Variants in PALMD observed in about 807,000 individuals in gnomAD.
PALMD encodes the protein paralemmin-like protein.
A neutral mutation model predicts 56.2 loss-of-function variants in PALMD; 42 were observed. The ratio of observed to expected loss-of-function variants is 0.75; its 90% CI spans 0.58 to 0.97. The LOEUF (loss-of-function observed/expected upper bound fraction) is 0.97, where lower values mean the gene tolerates loss of function less well. Among genes scored for constraint, PALMD ranks in the 50% least tolerant of loss-of-function variants. The pLI, the probability that PALMD is intolerant of heterozygous loss-of-function variation, is 0.00. For synonymous variants in PALMD, 242 were observed against 222.9 expected (o/e 1.09, Z -0.76); for missense variants, 660 against 643.8 (o/e 1.03, Z -0.27).
At chr1:99,655,630 A>G (rs1652706247) in intron 1 of PALMD, among the ~76,000 whole-genome samples, 1 of 152,178 alleles carries the variant, frequency 6.6e-6, no homozygotes, top group Non-Finnish European at 1.5e-5. Flanking sequence ...AAGATTCCAA[A>G]GAGGTTACTT....
chr1:99,682,742 A>G (rs376052495), intron 3 of PALMD, among the ~76,000 whole-genome samples: 6 of 152,132 alleles, frequency 3.9e-5, no homozygotes, highest in African/African-American at 1.2e-4. Flanking sequence ...CATCGGGCTC[A>G]TGCCTGTAAT....
At chr1:99,657,369 T>G (rs934763736) in intron 1 of PALMD, among the ~76,000 whole-genome samples, 1 of 152,192 alleles carries the variant, frequency 6.6e-6, no homozygotes, top group Non-Finnish European at 1.5e-5. Context: ...AGAGCCTGCA[T>G]TCCATCTGAC....
At chr1:99,648,421 C>T (rs1237931347) in intron 1 of PALMD, among the ~76,000 whole-genome samples, 1 of 152,114 alleles carries the variant, frequency 6.6e-6, no homozygotes, top group Non-Finnish European at 1.5e-5. Flanking sequence ...AGTCTCTTTC[C>T]CCCTAGGAAA....
intron 6 of PALMD, among the ~76,000 whole-genome samples, chr1:99,688,499 T>C (rs3737899): frequency 2.8e-4 from 42 of 151,940 alleles, no homozygotes; most frequent in Non-Finnish European, 4.4e-4. Context: ...AATTCTTTCC[T>C]ATTTGGAACC....
At chr1:99,671,673 T>A (rs1653091470) in intron 3 of PALMD, among the ~76,000 whole-genome samples, 1 of 152,176 alleles carries the variant, frequency 6.6e-6, no homozygotes, top group African/African-American at 2.4e-5. Context: ...AATCTATGAT[T>A]TTTTTTATGG....
chr1:99,688,753 G>A (rs1174062642), intron 6 of PALMD, 22 bp from the exon 7 acceptor site: 1 of 1,511,236 alleles, frequency 6.6e-7, no homozygotes, highest in Non-Finnish European at 8.9e-7. Context: ...CTAAATCAAA[G>A]ATCAAATTTG....
At chr1:99,693,930 C>G in intron 7 of PALMD, 89 bp from the exon 8 acceptor site, 3 of 853,386 alleles carry the variant, frequency 3.5e-6, no homozygotes, top group Middle Eastern at 2.8e-4. Context: ...GAGGTATGTT[C>G]TAAACTTTCC....
chr1:99,687,408 A>T (rs1653528514), intron 6 of PALMD, among the ~76,000 whole-genome samples: 1 of 152,180 alleles, frequency 6.6e-6, no homozygotes, highest in African/African-American at 2.4e-5. Context: ...CCAGACAGGG[A>T]TAAGGAAGAT....
intron 3 of PALMD, among the ~76,000 whole-genome samples, chr1:99,676,568 G>A (rs1299871078): frequency 6.6e-6 from 1 of 151,978 alleles, no homozygotes; most frequent in Non-Finnish European, 1.5e-5. Context: ...TGAGTCTCCA[G>A]TGGCTAGTAT....
chr1:99,687,072 A>G lies in PALMD; in HGVS notation c.401-4A>G, dbSNP rs1222410609. On this transcript the variant is annotated splice_region_variant and splice_polypyrimidine_tract_variant and intron_variant, in intron 5 of 7. Transcript: ENST00000263174. ...TGTATTTTGAATTCATATTAATTTT[A>G]CAGAGTCAATTGAGGACATCTATGC... 1.3e-6 allele frequency: 2 copies of G among 1,577,072 alleles called. No homozygotes were observed. Among genetic ancestry groups the G allele is most frequent in the African/African-American group, 2.7e-5 (2 of 73,508 alleles).
intron 1 of PALMD, among the ~76,000 whole-genome samples, chr1:99,649,559 G>A (rs924753269): frequency 1.8e-4 from 28 of 152,140 alleles, no homozygotes; most frequent in African/African-American, 4.1e-4. Context: ...GAAAGTGAAC[G>A]TGGCCCACAC....
At chr1:99,650,637 T>C (rs940483261) in intron 1 of PALMD, among the ~76,000 whole-genome samples, 1 of 152,148 alleles carries the variant, frequency 6.6e-6, no homozygotes, top group African/African-American at 2.4e-5. Context: ...TGCTGTGTGA[T>C]TTGTGGGGCC....
intron 2 of PALMD, among the ~76,000 whole-genome samples, chr1:99,663,232 A>G (rs573755897): frequency 6.6e-6 from 1 of 152,328 alleles, no homozygotes; most frequent in South Asian, 2.1e-4. Context: ...GAAAAAAAAC[A>G]TAATTTAAGA....
chr1:99,692,829 G>A (rs763489361), intron 7 of PALMD, among the ~76,000 whole-genome samples: 2 of 152,178 alleles, frequency 1.3e-5, no homozygotes, highest in Non-Finnish European at 2.9e-5. Context: ...TGTAACTACA[G>A]CCTCTGCCAG....
chr1:99,690,794 A>G (rs559101907), intron 7 of PALMD, among the ~76,000 whole-genome samples: 1 of 152,278 alleles, frequency 6.6e-6, no homozygotes, highest in African/African-American at 2.4e-5. Flanking sequence ...AATGTCTCTA[A>G]TGGAAGGATT....
chr1:99,669,990 C>A (rs901161152), intron 3 of PALMD, among the ~76,000 whole-genome samples: 14 of 152,312 alleles, frequency 9.2e-5, no homozygotes, highest in African/African-American at 3.1e-4. Context: ...AGTGGGAGGT[C>A]AGGGACTGAC....
At chr1:99,646,764 AT>A (rs1269222152) in intron 1 of PALMD, among the ~76,000 whole-genome samples, 5 of 152,150 alleles carry the variant, frequency 3.3e-5, no homozygotes, top group Non-Finnish European at 5.9e-5. Context: ...AAAAGTTAGA[AT>A]TTTTTTTAAA....
intron 3 of PALMD, among the ~76,000 whole-genome samples, chr1:99,683,084 G>A (rs796906353): frequency 4.5e-4 from 7 of 15,568 alleles, no homozygotes; most frequent in East Asian, 2.1e-3. Flanking sequence ...GAGAGAGAGA[G>A]AGAGAGAAAG....
At chr1:99,681,344 C>A (rs1226863085) in intron 3 of PALMD, among the ~76,000 whole-genome samples, 1 of 152,068 alleles carries the variant, frequency 6.6e-6, no homozygotes, top group Non-Finnish European at 1.5e-5. Flanking sequence ...CCCAATACTT[C>A]ATTTATACTT....
Sources: allele counts gnomAD v4.1 joint callset (sites outside exome capture counted in the v4.1 genomes callset), GRCh38; gene constraint gnomAD v4.1.1; transcripts MANE v1.5; gene names NCBI Gene and HGNC (gene_info 2026-07-23, HGNC 2026-07-21).